Variants in ATP13A5 observed in about 807,000 individuals in gnomAD.
The protein encoded by ATP13A5 is ATPase 13A5.
ATP13A5 carries 149 observed loss-of-function variants against 150.2 expected under a neutral mutation model. The ratio of observed to expected loss-of-function variants is 0.99; its 90% CI spans 0.87 to 1.14. The LOEUF (loss-of-function observed/expected upper bound fraction) is 1.14. ATP13A5 is among the 50% of genes most tolerant of loss of function. The probability of loss-of-function intolerance (pLI) is 0.00; values close to 1 mark genes in which losing one functional copy is unlikely to be tolerated. For synonymous variants in ATP13A5, 497 were observed against 522.2 expected, an observed-to-expected ratio of 0.95 and a Z score of 0.66; for missense variants, 1,383 against 1,449.3, an observed-to-expected ratio of 0.95 and a Z score of 0.74.
chr3:193,277,071 C>A (rs1717250932), intron 28 of ATP13A5, among the ~76,000 whole-genome samples: 1 of 152,178 alleles, frequency 6.6e-6, no homozygotes, highest in African/African-American at 2.4e-5. Context: ...CTCATGGTGC[C>A]TACTGAGAAA....
intron 9 of ATP13A5, among the ~76,000 whole-genome samples, chr3:193,336,445 T>C (rs1193259751): frequency 6.6e-6 from 1 of 152,178 alleles, no homozygotes; most frequent in Non-Finnish European, 1.5e-5. Flanking sequence ...TGTCCAAGTG[T>C]TCTCACTGTT....
chr3:193,302,411 A>T (rs1333575979), intron 23 of ATP13A5, among the ~76,000 whole-genome samples: 1 of 152,200 alleles, frequency 6.6e-6, no homozygotes, highest in Non-Finnish European at 1.5e-5. Flanking sequence ...CGTTTTCCCA[A>T]GTCTGATATA....
rs977496709 is a variant in ATP13A5, at chr3:193,274,973, A to T, written c.*69T>A. On this transcript the variant is annotated 3_prime_UTR_variant, in exon 30 of 30. Coordinates refer to ENST00000342358, the MANE Select transcript of ATP13A5 (RefSeq NM_198505.4). Reference sequence around the variant, plus strand: ...GGAAAGGTAAGGGGAGAGTATCATCACTTCTCCACAATGTGTTAATTTTGG... The same window carrying T: ...GGAAAGGTAAGGGGAGAGTATCATCTCTTCTCCACAATGTGTTAATTTTGG... The T allele has an allele frequency of 6.4e-7, 1 of 1,558,878 alleles. No homozygotes were observed. The highest frequency in any genetic ancestry group is 8.8e-7 in the Non-Finnish European group (1 of 1,142,796).
chr3:193,303,759 G>T (rs541188493), intron 23 of ATP13A5, among the ~76,000 whole-genome samples: 2 of 151,428 alleles, frequency 1.3e-5, no homozygotes, highest in African/African-American at 2.4e-5. Context: ...CACATGGGAA[G>T]TGACCCACAT....
At chr3:193,312,727 A>G (rs965544443) in intron 19 of ATP13A5, 4 of 152,194 alleles carry the variant, frequency 2.6e-5, no homozygotes, top group African/African-American at 9.7e-5. Context: ...AATTTTATTC[A>G]TCAGATGACT....
At chr3:193,327,524 C>G (rs1195364171) in intron 12 of ATP13A5, among the ~76,000 whole-genome samples, 1 of 152,118 alleles carries the variant, frequency 6.6e-6, no homozygotes, top group Non-Finnish European at 1.5e-5. Flanking sequence ...GACACAGTGA[C>G]TGTCCAGATT....
intron 21 of ATP13A5, among the ~76,000 whole-genome samples, chr3:193,309,623 T>C (rs1387589010): frequency 6.6e-6 from 1 of 152,200 alleles, no homozygotes; most frequent in Non-Finnish European, 1.5e-5. Flanking sequence ...ACATCCGTCT[T>C]GTGTGCTCTG....
chr3:193,348,067 T>C (rs1712416291), intron 7 of ATP13A5, among the ~76,000 whole-genome samples: 1 of 152,178 alleles, frequency 6.6e-6, no homozygotes, highest in Admixed American at 6.5e-5. Context: ...CCAACAACAC[T>C]GGAGTGGGAT....
At chr3:193,291,084 A>G (rs979184073) in intron 25 of ATP13A5, among the ~76,000 whole-genome samples, 1 of 152,084 alleles carries the variant, frequency 6.6e-6, no homozygotes, top group Non-Finnish European at 1.5e-5. Context: ...AAAACTCTAT[A>G]GTATTTCTTT....
rs771176175 is a variant in ATP13A5 at position 193,321,822 on chromosome 3, T to C, written c.1774A>G (p.Ile592Val). The C allele has an allele frequency of 3.1e-6, 5 of 1,614,098 alleles. No individual in the cohort carries two copies. The highest frequency in any genetic ancestry group is 1.1e-5 in the South Asian group (1 of 91,080). ...AATGGAAACTGGCACAAGGTGATGA[T>C]GGCTTCCACTGGACTCTGCAAGCCC... is the stretch of plus-strand genomic sequence containing the variant. ...PKASKSPVEA[I>V]ITLCQFPFSS... The change falls in exon 16 of 30, where the codon ATC (isoleucine) becomes GTC (valine). Residue 592 changes from isoleucine to valine, a missense_variant. By Grantham distance (29) the Ile-to-Val change is conservative (BLOSUM62 3). Coordinates refer to ENST00000342358, the MANE Select transcript of ATP13A5 (RefSeq NM_198505.4).
chr3:193,363,224 C>CAA lies in ATP13A5; in HGVS notation c.384+10_384+11dup, dbSNP rs774423494. On this transcript the variant is annotated intron_variant, in intron 3 of 29. Coordinates refer to ENST00000342358, the MANE Select transcript of ATP13A5 (RefSeq NM_198505.4). The stretch of plus-strand genomic sequence containing the variant: ...TAAACATGCATAACACCATACCCTT[C>CAA]AAGTAACTTACTTTTAATTCTGGCT... The CAA allele has an allele frequency of 3.1e-6, 5 of 1,611,256 alleles. No homozygotes were observed. In the East Asian group the frequency reaches 1.1e-4, roughly 36 times the overall value.
rs781072809 is a variant in ATP13A5, at chr3:193,324,909, G to T, written c.1629C>A (p.Ile543=). 1.9e-6 allele frequency: 3 copies of T among 1,614,120 alleles called. No homozygotes were observed. The highest frequency in any genetic ancestry group is 2.5e-6 in the Non-Finnish European group (3 of 1,179,994). The change falls in exon 14 of 30, where the codon ATC becomes ATA. Residue 543 remains isoleucine (I), a synonymous_variant. Coordinates refer to ENST00000342358, the MANE Select transcript of ATP13A5 (RefSeq NM_198505.4). ...TTTTGAGGTCCAGAGGGTCTCCCTG[G>T]ATGGTCCCATTGAGAAGGATCAGAG... ...CHSLILLNGT[I]QGDPLDLKMF...
intron 25 of ATP13A5, among the ~76,000 whole-genome samples, chr3:193,290,306 A>G (rs968542660): frequency 1.3e-5 from 2 of 152,098 alleles, no homozygotes; most frequent in African/African-American, 2.4e-5. Context: ...TAATTAATAT[A>G]TTTACCATAT....
At chr3:193,336,745 T>C (rs994994507) in intron 9 of ATP13A5, among the ~76,000 whole-genome samples, 1 of 152,354 alleles carries the variant, frequency 6.6e-6, no homozygotes, top group Non-Finnish European at 1.5e-5. Flanking sequence ...CCTTTGGGTA[T>C]ATACCCAGTA....
intron 19 of ATP13A5, 41 bp downstream of exon 19, chr3:193,313,992 T>A: frequency 6.2e-7 from 1 of 1,602,164 alleles, no homozygotes; most frequent in Non-Finnish European, 8.5e-7. Context: ...CTGTATTCCA[T>A]CAGTCTAGGC....
intron 25 of ATP13A5, among the ~76,000 whole-genome samples, chr3:193,295,351 T>C (rs1718124874): frequency 6.6e-6 from 1 of 152,076 alleles, no homozygotes; most frequent in Admixed American, 6.6e-5. Flanking sequence ...TTGATGTGAA[T>C]GCTACTGCTT....
At chr3:193,281,278 CTG>C in intron 27 of ATP13A5, 10 of 888,654 alleles carry the variant, frequency 1.1e-5, no homozygotes, top group Non-Finnish European at 1.2e-5. Context: ...TCACTAGCAA[CTG>C]GGGCTGAGTG....
intron 14 of ATP13A5, 53 bp from the exon 15 acceptor site, chr3:193,322,627 AG>A: frequency 8.0e-7 from 1 of 1,250,244 alleles, no homozygotes; most frequent in South Asian, 1.3e-5. Context: ...ATATTAAGAA[AG>A]AAATATCTCT....
At chr3:193,291,893 T>G (rs1164538641) in intron 25 of ATP13A5, among the ~76,000 whole-genome samples, 3 of 152,100 alleles carry the variant, frequency 2.0e-5, no homozygotes, top group South Asian at 4.1e-4. Flanking sequence ...ATTTTTGTCT[T>G]TTTGCTATAA....
Sources: allele counts gnomAD v4.1 joint callset (sites outside exome capture counted in the v4.1 genomes callset), GRCh38; gene constraint gnomAD v4.1.1; transcripts MANE v1.5; gene names NCBI Gene and HGNC (gene_info 2026-07-23, HGNC 2026-07-21).